KCNB2: variants seen among roughly 807,000 people sequenced by gnomAD.
The protein encoded by KCNB2 is delayed rectifier potassium channel protein.
In KCNB2, 15 loss-of-function variants were observed where a neutral mutation model predicts 61.5. The observed-to-expected ratio is 0.24, with a 90% confidence interval of 0.16 to 0.38. The LOEUF (loss-of-function observed/expected upper bound fraction) is 0.38. KCNB2 is among the 10% of genes least tolerant of loss of function. The pLI is 1.00. For missense variants in KCNB2, 828 were observed against 1,125.2 expected, an observed-to-expected ratio of 0.74 and a Z score of 3.78; for synonymous variants, 457 against 446.0, an observed-to-expected ratio of 1.02 and a Z score of -0.31.
At chr8:72,676,107 C>A (rs189079203) in intron 2 of KCNB2, among the ~76,000 whole-genome samples, 1 of 152,278 alleles carries the variant, frequency 6.6e-6, no homozygotes, top group East Asian at 1.9e-4. Context: ...CTCTACCTCC[C>A]AAACCTACTT....
At chr8:72,891,579 C>T (rs1805896786) in intron 2 of KCNB2, among the ~76,000 whole-genome samples, 1 of 152,218 alleles carries the variant, frequency 6.6e-6, no homozygotes, top group Admixed American at 6.5e-5. Context: ...TTTAGGCACC[C>T]TGGTGTCTTG....
At chr8:72,766,621 A>G (rs1458847750) in intron 2 of KCNB2, among the ~76,000 whole-genome samples, 2 of 152,328 alleles carry the variant, frequency 1.3e-5, no homozygotes, top group Admixed American at 6.5e-5. Flanking sequence ...AATTGTGTGT[A>G]TGCTTATATG....
chr8:72,816,993 T>A (rs1038557553), intron 2 of KCNB2, among the ~76,000 whole-genome samples: 20 of 152,294 alleles, frequency 1.3e-4, no homozygotes, highest in African/African-American at 4.6e-4. Context: ...GAAAAGATCA[T>A]TGAATTCTGC....
At chr8:72,704,083 G>C (rs982330945) in intron 2 of KCNB2, among the ~76,000 whole-genome samples, 2 of 152,096 alleles carry the variant, frequency 1.3e-5, no homozygotes, top group Admixed American at 6.5e-5. Flanking sequence ...ATTTATTCTT[G>C]GATAATGTCA....
chr8:72,798,915 C>G (rs1051142447), intron 2 of KCNB2, among the ~76,000 whole-genome samples: 4 of 152,142 alleles, frequency 2.6e-5, no homozygotes, highest in Non-Finnish European at 4.4e-5. Context: ...GAGAATCTCT[C>G]GCTATCTTTT....
At chr8:72,670,603 A>G (rs1806548161) in intron 2 of KCNB2, among the ~76,000 whole-genome samples, 1 of 151,974 alleles carries the variant, frequency 6.6e-6, no homozygotes, top group African/African-American at 2.4e-5. Flanking sequence ...TCCTCTCCCT[A>G]CTCAAGGCAG....
At chr8:72,565,741 A>G (rs1037798723) in intron 1 of KCNB2, among the ~76,000 whole-genome samples, 2 of 152,116 alleles carry the variant, frequency 1.3e-5, no homozygotes, top group African/African-American at 4.8e-5. Flanking sequence ...TGCATTTTAA[A>G]TAATTGATCC....
chr8:72,652,286 C>T (rs964399060), intron 2 of KCNB2, among the ~76,000 whole-genome samples: 1 of 152,130 alleles, frequency 6.6e-6, no homozygotes, highest in African/African-American at 2.4e-5. Flanking sequence ...ATGCTCATGC[C>T]GTAAATTGCA....
intron 2 of KCNB2, among the ~76,000 whole-genome samples, chr8:72,717,388 C>T (rs10111886): frequency 0.18 from 27,866 of 151,974 alleles, 3,422 homozygotes; most frequent in African/African-American, 0.35. Context: ...AAGCTGGAGG[C>T]ATCACACTAC....
chr8:72,736,224 A>G (rs972657180), intron 2 of KCNB2, among the ~76,000 whole-genome samples: 1 of 152,092 alleles, frequency 6.6e-6, no homozygotes, highest in Non-Finnish European at 1.5e-5. Flanking sequence ...TCTGATGGCC[A>G]TATTATACAA....
chr8:72,616,142 G>T (rs750661600), intron 2 of KCNB2, among the ~76,000 whole-genome samples: 7 of 152,134 alleles, frequency 4.6e-5, no homozygotes, highest in Non-Finnish European at 1.0e-4. Flanking sequence ...GTTTTAAGTC[G>T]AAGGATTCCT....
intron 2 of KCNB2, among the ~76,000 whole-genome samples, chr8:72,696,074 G>A (rs952433439): frequency 6.6e-6 from 1 of 152,218 alleles, no homozygotes. Context: ...ATTGGAGGCA[G>A]ATTGGTGTAA....
At chr8:72,851,432 GT>G (rs1810105375) in intron 2 of KCNB2, among the ~76,000 whole-genome samples, 1 of 152,112 alleles carries the variant, frequency 6.6e-6, no homozygotes, top group African/African-American at 2.4e-5. Flanking sequence ...ATAATTTGAG[GT>G]TCAAAATGAA....
intron 2 of KCNB2, among the ~76,000 whole-genome samples, chr8:72,914,360 C>T (rs2929575): frequency 0.59 from 89,704 of 152,050 alleles, 27,745 homozygotes; most frequent in Middle Eastern, 0.7. Flanking sequence ...AATAAAACTA[C>T]ATAGGGAGAT....
chr8:72,561,305 C>T (rs370486948), intron 1 of KCNB2, among the ~76,000 whole-genome samples: 56 of 151,882 alleles, frequency 3.7e-4, no homozygotes, highest in African/African-American at 8.2e-4. Context: ...TACAGGTGTG[C>T]GCCACCACTC....
At chr8:72,766,234 G>T (rs1205566780) in intron 2 of KCNB2, among the ~76,000 whole-genome samples, 1 of 152,154 alleles carries the variant, frequency 6.6e-6, no homozygotes, top group Non-Finnish European at 1.5e-5. Context: ...TACAGAGATG[G>T]TGATATAATT....
chr8:72,889,255 A>G (rs935654524), intron 2 of KCNB2, among the ~76,000 whole-genome samples: 2 of 152,208 alleles, frequency 1.3e-5, no homozygotes, highest in Non-Finnish European at 2.9e-5. Flanking sequence ...AGCTAAAAAG[A>G]CATACTTACT....
chr8:72,852,016 C>G (rs1810125213), intron 2 of KCNB2, among the ~76,000 whole-genome samples: 1 of 151,804 alleles, frequency 6.6e-6, no homozygotes, highest in South Asian at 2.1e-4. Flanking sequence ...GAGGTGATCA[C>G]TTGAGCCCAG....
At chr8:72,748,648 G>T (rs1374212517) in intron 2 of KCNB2, among the ~76,000 whole-genome samples, 1 of 139,008 alleles carries the variant, frequency 7.2e-6, no homozygotes, top group Non-Finnish European at 1.6e-5. Flanking sequence ...CAAAAACCAT[G>T]GAGTTTTATT....
Sources: gnomAD v4.1 joint callset for allele counts (sites outside exome capture counted in the v4.1 genomes callset) on GRCh38, gnomAD v4.1.1 for gene constraint, MANE v1.5 for transcripts, NCBI Gene and HGNC (gene_info 2026-07-23, HGNC 2026-07-21) for gene names.